Variants in TRPM3 observed in about 807,000 individuals in gnomAD.
TRPM3 encodes transient receptor potential cation channel subfamily M member 3, also known as long transient receptor potential channel 3.
Under a neutral mutation model 181.2 loss-of-function variants are expected in TRPM3, and 77 were observed. That is an observed-to-expected ratio of 0.42 (90% CI 0.35 to 0.51). The LOEUF is 0.51. TRPM3 is among the 20% of genes least tolerant of loss of function. TRPM3 has a pLI of 0.01. For missense variants in TRPM3, 1,759 were observed against 2,196.7 expected, an observed-to-expected ratio of 0.80 and a Z score of 3.98; for synonymous variants, 745 against 796.4, an observed-to-expected ratio of 0.94 and a Z score of 1.09.
chr9:70,979,233 T>TAACCTACAG (rs777127111), intron 1 of TRPM3, among the ~76,000 whole-genome samples: 27 of 152,242 alleles, frequency 1.8e-4, no homozygotes, highest in South Asian at 6.2e-4. Flanking sequence ...CATTGCCCGT[T>TAACCTACAG]AACCTACAGA....
intron 7 of TRPM3, among the ~76,000 whole-genome samples, chr9:70,765,427 C>A (rs1419502522): frequency 1.3e-5 from 2 of 151,970 alleles, no homozygotes; most frequent in South Asian, 4.2e-4. Context: ...CCCACCTCTA[C>A]TAAAAATTCA....
intron 1 of TRPM3, among the ~76,000 whole-genome samples, chr9:71,293,881 T>C (rs758904641): frequency 1.3e-5 from 2 of 151,970 alleles, no homozygotes; most frequent in African/African-American, 2.4e-5. Flanking sequence ...GACTCATGCA[T>C]ACGTAGAGAC....
At chr9:71,204,143 T>C (rs1286826158) in intron 1 of TRPM3, among the ~76,000 whole-genome samples, 2 of 151,272 alleles carry the variant, frequency 1.3e-5, no homozygotes, top group Non-Finnish European at 2.9e-5. Flanking sequence ...ATTCAGGACA[T>C]AGGCATGGGC....
chr9:70,805,521 C>G (rs1445504946), intron 6 of TRPM3, among the ~76,000 whole-genome samples: 2 of 131,770 alleles, frequency 1.5e-5, no homozygotes, highest in South Asian at 2.6e-4. Context: ...GCGACAGAGC[C>G]AGACTCCATC....
At chr9:71,289,626 G>A (rs2085611242) in intron 1 of TRPM3, among the ~76,000 whole-genome samples, 1 of 152,092 alleles carries the variant, frequency 6.6e-6, no homozygotes, top group Non-Finnish European at 1.5e-5. Context: ...CCAACATTGT[G>A]GGAGGCCAAG....
intron 1 of TRPM3, among the ~76,000 whole-genome samples, chr9:71,420,966 G>GGAGAGAAAAAGA (rs758337439): frequency 0.19 from 7,614 of 39,270 alleles, 982 homozygotes; most frequent in East Asian, 0.31. Context: ...AGAGAAAAAG[G>GGAGAGAAAAAGA]GAGAGAAAAA....
At chr9:71,133,316 CAG>C (rs1277101986) in intron 1 of TRPM3, among the ~76,000 whole-genome samples, 2 of 3,052 alleles carry the variant, frequency 6.6e-4, no homozygotes, top group African/African-American at 1.7e-3. Context: ...TTTTTTGAGA[CAG>C]AGTTTTGCTC....
rs371500850 is a variant in TRPM3, at chr9:70,531,319, CTTTT to C, written c.*4630_*4633del. ...AAAAGATTTAAAAATCCCTTGGTTA[CTTTT>C]TTTTTGTTTTTAATTTTTCAAAACT... On this transcript the variant is annotated 3_prime_UTR_variant, in exon 26 of 26. Transcript: ENST00000677713. 2.6e-5 allele frequency: 4 copies of C among 151,520 alleles called. No individual in the cohort carries two copies. Among genetic ancestry groups the C allele is most frequent in the Non-Finnish European group, 5.9e-5 (4 of 67,886 alleles). 9.4% of individuals were successfully genotyped at this position (151,520 alleles called of 1,614,324 possible).
intron 1 of TRPM3, among the ~76,000 whole-genome samples, chr9:71,251,837 T>C (rs955112082): frequency 6.6e-6 from 1 of 152,134 alleles, no homozygotes; most frequent in Non-Finnish European, 1.5e-5. Context: ...TTAACCATCT[T>C]CTCCTGCCCC....
intron 9 of TRPM3, among the ~76,000 whole-genome samples, chr9:70,661,110 A>AATGCAGG (rs1222361797): frequency 6.7e-6 from 1 of 148,730 alleles, no homozygotes; most frequent in Non-Finnish European, 1.5e-5. Context: ...TCATACCAGG[A>AATGCAGG]ATGCAGGAAT....
intron 15 of TRPM3, among the ~76,000 whole-genome samples, chr9:70,620,584 T>A (rs2063476894): frequency 6.6e-6 from 1 of 152,202 alleles, no homozygotes; most frequent in Non-Finnish European, 1.5e-5. Flanking sequence ...ATGTCAGTGT[T>A]ACACTCTGAT....
intron 10 of TRPM3, among the ~76,000 whole-genome samples, chr9:70,639,702 A>T (rs1405247775): frequency 6.6e-6 from 1 of 152,072 alleles, no homozygotes; most frequent in Non-Finnish European, 1.5e-5. Context: ...CTGAAAACAA[A>T]ACAAAAACAT....
chr9:71,282,093 G>A (rs932101513), intron 1 of TRPM3, among the ~76,000 whole-genome samples: 3,008 of 81,450 alleles, frequency 0.037, 234 homozygotes, highest in East Asian at 0.056. Flanking sequence ...AAGAAAGAGA[G>A]AAAGAAAGAA....
intron 1 of TRPM3, among the ~76,000 whole-genome samples, chr9:71,118,667 G>A (rs1030558504): frequency 6.6e-6 from 1 of 152,018 alleles, no homozygotes; most frequent in Admixed American, 6.5e-5. Context: ...AACAATGCTT[G>A]GAAGAGGAAT....
chr9:70,837,400 T>C (rs1216158610), intron 5 of TRPM3, among the ~76,000 whole-genome samples: 1 of 152,160 alleles, frequency 6.6e-6, no homozygotes, highest in African/African-American at 2.4e-5. Context: ...TTAGGGAAAA[T>C]AGAAGACATC....
chr9:71,406,630 G>A (rs2093440467), intron 1 of TRPM3, among the ~76,000 whole-genome samples: 1 of 152,140 alleles, frequency 6.6e-6, no homozygotes, highest in Non-Finnish European at 1.5e-5. Context: ...CTTCTCCATA[G>A]ATTAAGAGTG....
intron 22 of TRPM3, among the ~76,000 whole-genome samples, chr9:70,578,268 T>C (rs2132293955): frequency 6.7e-6 from 1 of 150,076 alleles, no homozygotes; most frequent in South Asian, 2.1e-4. Context: ...GACCACTTTC[T>C]TTGTGAGTGC....
intron 1 of TRPM3, among the ~76,000 whole-genome samples, chr9:71,092,540 G>C (rs2066405126): frequency 6.6e-6 from 1 of 151,882 alleles, no homozygotes; most frequent in Admixed American, 6.6e-5. Context: ...GAAATTTTGG[G>C]ATCTGGTTAG....
At chr9:70,774,652 A>T (rs2080999480) in intron 7 of TRPM3, 1 of 152,034 alleles carries the variant, frequency 6.6e-6, no homozygotes, top group Non-Finnish European at 1.5e-5. Context: ...GGCTTAAACA[A>T]CTCCAAATTT....
Sources: gnomAD v4.1 joint callset for allele counts (sites outside exome capture counted in the v4.1 genomes callset) on GRCh38, gnomAD v4.1.1 for gene constraint, MANE v1.5 for transcripts, NCBI Gene and HGNC (gene_info 2026-07-23, HGNC 2026-07-21) for gene names.